LIMK2: variants seen among roughly 807,000 people sequenced by gnomAD.
LIMK2 encodes LIM domain kinase 2.
LIMK2 carries 35 observed loss-of-function variants against 75.7 expected under a neutral mutation model. The observed-to-expected ratio is 0.46, with a 90% CI of 0.35 to 0.61. LIMK2 has a LOEUF of 0.61. Ranked by LOEUF, LIMK2 falls within the 20% of genes least tolerant of loss-of-function variation. The pLI is 0.00. For missense variants in LIMK2, 623 were observed against 831.0 expected, an observed-to-expected ratio of 0.75 and a Z score of 3.08; for synonymous variants, 301 against 319.2, an observed-to-expected ratio of 0.94 and a Z score of 0.61.
chr22:31,266,494 C>G (rs1459843229), intron 8 of LIMK2, among the ~76,000 whole-genome samples: 1 of 152,102 alleles, frequency 6.6e-6, no homozygotes, highest in Non-Finnish European at 1.5e-5. Flanking sequence ...CAGGGACTAA[C>G]CTCTCTCTTT....
At chr22:31,238,207 G>A (rs1377252202) in intron 2 of LIMK2, among the ~76,000 whole-genome samples, 3 of 151,906 alleles carry the variant, frequency 2.0e-5, no homozygotes, top group Admixed American at 2.0e-4. Flanking sequence ...AACTAGTACT[G>A]TATTCAGATA....
Position 31,212,333 on chromosome 22 carries a change from G to A in LIMK2, c.-76G>A. On this transcript the variant is annotated 5_prime_UTR_variant, in exon 1 of 16. Transcript: ENST00000331728. ...GCCTGAGGCGGCGGCGGCAGGAGCTGAGGGGAGTTGTAGGGAACTGAGGGG... is the reference window on the plus strand; with the variant it reads ...GCCTGAGGCGGCGGCGGCAGGAGCTAAGGGGAGTTGTAGGGAACTGAGGGG... 7.7e-7 allele frequency: 1 copy of A among 1,302,190 alleles called. No homozygotes were observed. The highest frequency in any genetic ancestry group is 9.9e-7 in the Non-Finnish European group (1 of 1,014,272). 80.7% of individuals were successfully genotyped at this position (1,302,190 alleles called of 1,614,324 possible).
chr22:31,213,322 C>T (rs1330606130), intron 1 of LIMK2, among the ~76,000 whole-genome samples: 2 of 150,426 alleles, frequency 1.3e-5, no homozygotes, highest in African/African-American at 4.9e-5. Context: ...CAGTAGGAAC[C>T]TTCTGTCTCC....
At chr22:31,258,679 T>A (rs1211649224) in intron 3 of LIMK2, 1 of 482,252 alleles carries the variant, frequency 2.1e-6, no homozygotes, top group African/African-American at 1.9e-5. Flanking sequence ...ACAATATAGT[T>A]GGATAAGGAC....
At chr22:31,217,068 ATTTGT>A (rs2048394310) in intron 1 of LIMK2, among the ~76,000 whole-genome samples, 1 of 152,004 alleles carries the variant, frequency 6.6e-6, no homozygotes, top group Non-Finnish European at 1.5e-5. Context: ...TCTGCCTGTA[ATTTGT>A]TTTGTCCAGG....
At chr22:31,264,952 G>C (rs2048876990) in intron 7 of LIMK2, among the ~76,000 whole-genome samples, 1 of 152,112 alleles carries the variant, frequency 6.6e-6, no homozygotes, top group Admixed American at 6.5e-5. Flanking sequence ...CCAGCACTTA[G>C]GGAGGCCGAG....
Position 31,278,373 on chromosome 22 carries a change from G to T in LIMK2, c.1849G>T (p.Ala617Ser). The T allele has an allele frequency of 6.2e-7, 1 of 1,613,924 alleles. No individual in the cohort carries two copies. Among genetic ancestry groups the T allele is most frequent in the Middle Eastern group, 1.7e-4 (1 of 6,060 alleles). ...GGGGGAGCTGGGCATCCCGCTGCCT[G>T]CAGAGCTGGAGGAGTTGGACCACAC... ...YLGELGIPLPAELEELDHTVS... is the reference protein window; with the variant it reads ...YLGELGIPLPSELEELDHTVS... The change falls in exon 16 of 16, where the codon GCA becomes TCA. Residue 617 changes from alanine to serine, a missense_variant. This residue lies in a region of LIMK2 where 46 missense variants were observed against 46.9 expected (regional missense o/e 0.98). Transcript: ENST00000331728.
Position 31,234,049 on chromosome 22 carries a change from G to C in LIMK2, c.116+8230G>C, listed in dbSNP as rs111926943. The stretch of plus-strand genomic sequence containing the variant: ...TTTGTTTTAGACAGAGTCTCACTCT[G>C]TTCCCCAGGCTGGAGTGCAGTGGCA... On this transcript the variant is annotated intron_variant, in intron 2 of 15. Coordinates refer to ENST00000331728, the MANE Select transcript of LIMK2 (RefSeq NM_005569.4). Among the ~76,000 whole-genome samples, 609 of 152,140 alleles carry C rather than the reference G, an allele frequency of 4.0e-3. 1 individual carries two copies. Among genetic ancestry groups the C allele is most frequent in the African/African-American group, 0.014 (563 of 41,502 alleles).
chr22:31,221,705 G>A (rs1228696449), intron 1 of LIMK2, among the ~76,000 whole-genome samples: 1 of 151,982 alleles, frequency 6.6e-6, no homozygotes, highest in Non-Finnish European at 1.5e-5. Context: ...GGCTGGTCTC[G>A]AACTCCTGAC....
chr22:31,262,517 G>A lies in LIMK2; in HGVS notation c.658-78G>A. The stretch of plus-strand genomic sequence containing the variant: ...ACAAGTTGAGCACTGGCCACACTGT[G>A]CCTGAGTCATCTGGGTTGGCCATGG... On this transcript the variant is annotated intron_variant, in intron 6 of 15. Transcript: ENST00000331728. The surrounding 1 kb of genome is among the most constrained non-coding windows in gnomAD (Gnocchi z 5.0). 3 of 1,397,212 alleles carry A rather than the reference G, an allele frequency of 2.1e-6. No individual in the cohort carries two copies. Among genetic ancestry groups the A allele is most frequent in the Non-Finnish European group, 3.0e-6 (3 of 1,005,588 alleles). The allele number at this position is 1,397,212 out of a possible 1,614,324, so 86.6% of individuals were successfully genotyped here. A position where few individuals can be genotyped will look rare whatever the true frequency, so the allele number is the denominator to read the frequency against.
intron 2 of LIMK2, among the ~76,000 whole-genome samples, chr22:31,249,845 A>G (rs961828227): frequency 6.6e-6 from 1 of 152,174 alleles, no homozygotes; most frequent in Non-Finnish European, 1.5e-5. Flanking sequence ...GGAAGGGGGA[A>G]GGGAACTGGT....
intron 2 of LIMK2, chr22:31,248,602 C>T (rs1353980349): frequency 1.2e-6 from 2 of 1,609,732 alleles, no homozygotes; most frequent in Non-Finnish European, 1.7e-6. Flanking sequence ...GGGCAGCCTG[C>T]CTGCAGCCAG....
chr22:31,276,604 G>C (rs2049023391), intron 15 of LIMK2, among the ~76,000 whole-genome samples: 1 of 146,274 alleles, frequency 6.8e-6, no homozygotes, highest in Non-Finnish European at 1.5e-5. Flanking sequence ...CGGAGCCGGC[G>C]AGCTAACCTG....
rs1418677021 is a variant in LIMK2 at position 31,267,813 on chromosome 22, T to C, written c.1166T>C (p.Leu389Pro). 1 of 1,611,884 alleles carries C rather than the reference T, an allele frequency of 6.2e-7. No individual in the cohort carries two copies. Among genetic ancestry groups the C allele is most frequent in the Non-Finnish European group, 8.5e-7 (1 of 1,179,242 alleles). The change falls in exon 10 of 16, where the codon CTC (leucine) becomes CCC (proline). Residue 389 changes from leucine (L) to proline (P), a missense_variant. This residue lies in a region of LIMK2 where 514 missense variants were observed against 661.3 expected (regional missense o/e 0.78). Coordinates refer to ENST00000331728, the MANE Select transcript of LIMK2 (RefSeq NM_005569.4). The part of the protein sequence containing the change: ...VMRSLDHPNV[L>P]KFIGVLYKDK... ...CGCAGCCTGGACCACCCCAATGTGC[T>C]CAAGTTCATTGGTGTGCTGTACAAG...
At chr22:31,258,547 T>C (rs1008729233) in intron 3 of LIMK2, 121 bp downstream of exon 3, 5 of 966,708 alleles carry the variant, frequency 5.2e-6, no homozygotes, top group Non-Finnish European at 7.7e-6. Context: ...TCCCTTTATT[T>C]ATTCATTCAT....
At chr22:31,244,663 C>G (rs1398200535) in intron 2 of LIMK2, among the ~76,000 whole-genome samples, 1 of 152,178 alleles carries the variant, frequency 6.6e-6, no homozygotes, top group Admixed American at 6.5e-5. Flanking sequence ...ATTTAGAGAC[C>G]TAACCAAGGC....
At chr22:31,244,566 C>G (rs2048650050) in intron 2 of LIMK2, among the ~76,000 whole-genome samples, 1 of 152,038 alleles carries the variant, frequency 6.6e-6, no homozygotes, top group Admixed American at 6.6e-5. Context: ...ACCTCCTGCT[C>G]AAGAGTTTAA....
intron 2 of LIMK2, among the ~76,000 whole-genome samples, chr22:31,231,323 TAG>T (rs1186451535): frequency 2.0e-5 from 3 of 152,236 alleles, no homozygotes; most frequent in African/African-American, 4.8e-5. Flanking sequence ...GCTCCTGATG[TAG>T]AGTCAGTGGA....
chr22:31,221,218 C>A (rs2048430539), intron 1 of LIMK2, among the ~76,000 whole-genome samples: 1 of 152,192 alleles, frequency 6.6e-6, no homozygotes, highest in Non-Finnish European at 1.5e-5. Flanking sequence ...AGGGGCCAGA[C>A]ATGGTTTGCT....
Sources: allele counts gnomAD v4.1 joint callset (sites outside exome capture counted in the v4.1 genomes callset), GRCh38; gene constraint gnomAD v4.1.1; regional missense constraint gnomAD v4.1.1; non-coding constraint Gnocchi (gnomAD v3.1); transcripts MANE v1.5; gene names NCBI Gene and HGNC (gene_info 2026-07-23, HGNC 2026-07-21).